C5AR1: variants seen among roughly 807,000 people sequenced by gnomAD.
C5AR1 encodes C5a anaphylatoxin chemotactic receptor 1.
A neutral mutation model predicts 2.4 loss-of-function variants in C5AR1; 4 were observed. The observed-to-expected ratio is 1.65, with a 90% CI of 0.81 to 3.77. The LOEUF is 3.77. Among genes scored for constraint, C5AR1 ranks in the 30% most tolerant of loss-of-function variants. C5AR1 has a pLI of 0.01. For missense variants in C5AR1, 418 were observed against 462.5 expected (o/e 0.90, Z 0.88); for synonymous variants, 209 against 210.4 (o/e 0.99, Z 0.06).
upstream of C5AR1, among the ~76,000 whole-genome samples, chr19:47,309,480 CAGG>C (rs1012668939): frequency 2.0e-5 from 3 of 149,866 alleles, no homozygotes; most frequent in African/African-American, 7.4e-5. Context: ...GAGGCTGAGG[CAGG>C]AGAAGTGCTT....
Position 47,321,584 on chromosome 19 carries a change from G to A in C5AR1, c.*754G>A, listed in dbSNP as rs2059311120. 2 of 152,158 alleles carry A rather than the reference G, an allele frequency of 1.3e-5. No individual in the cohort carries two copies. Among genetic ancestry groups the A allele is most frequent in the Admixed American group, 1.3e-4 (2 of 15,260 alleles). The allele number at this position is 152,158 out of a possible 1,614,324, so 9.4% of individuals were successfully genotyped here. ...TGATCGCACCACTGCACTCTAGCCT[G>A]GGTGACCGAGGGAGGCTCTGTCTCA... On this transcript the variant is annotated 3_prime_UTR_variant, in exon 2 of 2. Transcript: ENST00000355085.
chr19:47,317,037 A>C (rs1377427449), intron 1 of C5AR1, among the ~76,000 whole-genome samples: 1 of 150,806 alleles, frequency 6.6e-6, no homozygotes, highest in Non-Finnish European at 1.5e-5. Flanking sequence ...GAAAAAAAAT[A>C]CAAAAATTAG....
At chr19:47,308,636 A>T (rs1341299216), upstream of C5AR1, among the ~76,000 whole-genome samples, 2 of 150,284 alleles carry the variant, frequency 1.3e-5, no homozygotes, top group African/African-American at 4.9e-5. Flanking sequence ...GCTCACTGCA[A>T]CCTCCGCCTC....
At chr19:47,309,822 C>T (rs2059264318), upstream of C5AR1, 1 of 1,540,956 alleles carries the variant, frequency 6.5e-7, no homozygotes, top group Non-Finnish European at 8.9e-7. Context: ...CTGCATCTTC[C>T]CTTGGGGCTT....
upstream of C5AR1, among the ~76,000 whole-genome samples, chr19:47,309,677 C>T (rs562316666): frequency 1.3e-5 from 2 of 151,938 alleles, no homozygotes; most frequent in Admixed American, 6.6e-5. Flanking sequence ...GTTTTCCGAG[C>T]GCCGGCCCCC....
chr19:47,320,127 T>A lies in C5AR1; in HGVS notation c.350T>A (p.Leu117Gln). ...AACSILPSLI[L>Q]LNMYASILLL... The stretch of plus-strand genomic sequence containing the variant: ...TGCAGCATCCTGCCCTCCCTCATCC[T>A]GCTCAACATGTACGCCAGCATCCTG... The change falls in exon 2 of 2, where the codon CTG becomes CAG. Residue 117 changes from leucine to glutamine, a missense_variant. Coordinates refer to ENST00000355085, the MANE Select transcript of C5AR1 (RefSeq NM_001736.4). This position sits in a 1 kb window ranked among gnomAD's most constrained non-coding sequence, Gnocchi z 4.9. 1 of 1,614,208 alleles carries A rather than the reference T, an allele frequency of 6.2e-7. No individual in the cohort carries two copies.
intron 1 of C5AR1, among the ~76,000 whole-genome samples, chr19:47,313,285 A>G (rs1227180947): frequency 2.6e-5 from 4 of 151,048 alleles, no homozygotes; most frequent in Non-Finnish European, 5.9e-5. Flanking sequence ...GTCCAGCCAC[A>G]TTCTTTAACT....
chr19:47,318,753 T>C (rs2059298001), intron 1 of C5AR1, among the ~76,000 whole-genome samples: 2 of 152,248 alleles, frequency 1.3e-5, no homozygotes, highest in Non-Finnish European at 2.9e-5. Context: ...CTGGTGCCTC[T>C]GGACACAGAT....
chr19:47,318,325 A>C (rs1322298659), intron 1 of C5AR1, among the ~76,000 whole-genome samples: 3 of 145,322 alleles, frequency 2.1e-5, no homozygotes, highest in Non-Finnish European at 4.5e-5. Context: ...GTGGAGTCTC[A>C]CTCTGTCGCC....
At position 47,321,396 on chromosome 19, in the gene C5AR1, G is replaced by A. The variant is rs2059310464; in HGVS notation, c.*566G>A. ...GGCTAAGGTGGGTGGATCACCTGAG[G>A]TCAAGAGTTCCAGACCAGGCTGGCC... On this transcript the variant is annotated 3_prime_UTR_variant, in exon 2 of 2. Coordinates refer to ENST00000355085, the MANE Select transcript of C5AR1 (RefSeq NM_001736.4). The A allele has an allele frequency of 6.6e-6, 1 of 152,134 alleles. No homozygotes were observed. The highest frequency in any genetic ancestry group is 2.1e-4 in the South Asian group (1 of 4,862). 9.4% of individuals were successfully genotyped at this position (152,134 alleles called of 1,614,324 possible).
In C5AR1 at chr19:47,320,204, T is replaced by G. The variant is rs2059304438; in HGVS notation, c.427T>G (p.Trp143Gly). The change falls in exon 2 of 2, where the codon TGG becomes GGG. Residue 143 changes from tryptophan (W) to glycine (G), a missense_variant. By Grantham distance (184) the Trp-to-Gly change is radical. Transcript: ENST00000355085. This position sits in a 1 kb window ranked among gnomAD's most constrained non-coding sequence, Gnocchi z 4.9. ...DRFLLVFKPI[W>G]CQNFRGAGLA... ...CTTTCTGCTGGTGTTTAAACCCATCTGGTGCCAGAACTTCCGAGGGGCTGG... is the reference window on the plus strand; with the variant it reads ...CTTTCTGCTGGTGTTTAAACCCATCGGGTGCCAGAACTTCCGAGGGGCTGG... The G allele has an allele frequency of 1.2e-6, 2 of 1,614,216 alleles. No individual in the cohort carries two copies. The highest frequency in any genetic ancestry group is 1.7e-6 in the Non-Finnish European group (2 of 1,180,032).
rs202146387 is a variant in C5AR1, at chr19:47,319,943, G to T, written c.166G>T (p.Ala56Ser). 7.7e-5 allele frequency: 125 copies of T among 1,614,248 alleles called. 1 individual carries two copies. Among genetic ancestry groups the T allele is most frequent in the South Asian group, 4.0e-4 (36 of 91,088 alleles). Residue 56 changes from alanine to serine, a missense_variant, in exon 2 of 2, where the codon GCC becomes TCC. Physicochemically the swap from Ala to Ser is moderately conservative, Grantham distance 99 (BLOSUM62 1). Transcript: ENST00000355085. ...CTTCCTGGTGGGAGTGCTGGGCAAT[G>T]CCCTGGTGGTCTGGGTGACGGCATT... The part of the protein sequence containing the change: ...VVFLVGVLGN[A>S]LVVWVTAFEA...
intron 1 of C5AR1, among the ~76,000 whole-genome samples, chr19:47,311,240 G>C (rs1017587092): frequency 2.6e-5 from 4 of 151,814 alleles, no homozygotes; most frequent in Admixed American, 1.3e-4. Flanking sequence ...GGCCAGGCGC[G>C]GTGGCTCATG....
chr19:47,308,599 G>T (rs1473286754), upstream of C5AR1, among the ~76,000 whole-genome samples: 16 of 147,964 alleles, frequency 1.1e-4, no homozygotes, highest in Non-Finnish European at 2.2e-4. Flanking sequence ...TTGTCAGCCT[G>T]GGCTGGAGTG....
chr19:47,313,534 G>A (rs917975600), intron 1 of C5AR1, among the ~76,000 whole-genome samples: 1 of 151,704 alleles, frequency 6.6e-6, no homozygotes, highest in African/African-American at 2.4e-5. Context: ...GGATCACGAG[G>A]TCAGGAGATC....
chr19:47,320,503 G>T lies in C5AR1; in HGVS notation c.726G>T (p.Lys242Asn), dbSNP rs56094017. 1.2e-6 allele frequency: 2 copies of T among 1,613,922 alleles called. No individual in the cohort carries two copies. Among genetic ancestry groups the T allele is most frequent in the Non-Finnish European group, 1.7e-6 (2 of 1,180,036 alleles). The change falls in exon 2 of 2, where the codon AAG becomes AAT. Residue 242 changes from lysine (K) to asparagine (N), a missense_variant. Transcript: ENST00000355085. The surrounding 1 kb of genome is among the most constrained non-coding windows in gnomAD (Gnocchi z 4.9). Reference protein sequence around the residue: ...RRATRSTKTLKVVVAVVASFF... With the variant: ...RRATRSTKTLNVVVAVVASFF... ...CCACGCGGTCCACCAAGACACTCAA[G>T]GTGGTGGTGGCAGTGGTGGCCAGTT...
intron 1 of C5AR1, among the ~76,000 whole-genome samples, chr19:47,317,426 T>G (rs1317786814): frequency 8.0e-5 from 12 of 150,360 alleles, no homozygotes. Context: ...GAGGATCACT[T>G]GAGCCTGAGA....
chr19:47,318,486 G>A (rs1453108191), intron 1 of C5AR1, among the ~76,000 whole-genome samples: 1 of 151,850 alleles, frequency 6.6e-6, no homozygotes, highest in Non-Finnish European at 1.5e-5. Flanking sequence ...TAGAGACGGG[G>A]TTTCACCATG....
rs201655735 is a variant in C5AR1 at position 47,319,769 on chromosome 19, G to C, written c.4-12G>C. ...CAGACTCATCCTCTCTGCTCTCTCC[G>C]ATTCCCCTTAGGACTCCTTCAATTA... On this transcript the variant is annotated splice_polypyrimidine_tract_variant and intron_variant, in intron 1 of 1. Coordinates refer to ENST00000355085, the MANE Select transcript of C5AR1 (RefSeq NM_001736.4). 7 of 1,556,608 alleles carry C rather than the reference G, an allele frequency of 4.5e-6. No individual in the cohort carries two copies. Among genetic ancestry groups the C allele is most frequent in the Admixed American group, 3.4e-5 (2 of 59,406 alleles).
Sources: gnomAD v4.1 joint callset for allele counts (sites outside exome capture counted in the v4.1 genomes callset) on GRCh38, gnomAD v4.1.1 for gene constraint, Gnocchi (gnomAD v3.1) non-coding constraint, MANE v1.5 for transcripts, NCBI Gene and HGNC (gene_info 2026-07-23, HGNC 2026-07-21) for gene names.